Variants in DLGAP1 observed in about 807,000 individuals in gnomAD.
The protein encoded by DLGAP1 is DLG associated protein 1.
Under a neutral mutation model 90.8 loss-of-function variants are expected in DLGAP1, and 11 were observed. That is an observed-to-expected ratio of 0.12 (90% CI 0.08 to 0.20). The LOEUF (loss-of-function observed/expected upper bound fraction) is 0.20, where lower values mean the gene tolerates loss of function less well. DLGAP1 is among the 10% of genes least tolerant of loss of function. DLGAP1 has a pLI of 1.00. For missense variants in DLGAP1, 1,050 were observed against 1,333.8 expected (o/e 0.79, Z 3.31); for synonymous variants, 558 against 540.7 (o/e 1.03, Z -0.44).
In DLGAP1 at chr18:4,383,998, G is replaced by A. The variant is rs2082181033; in HGVS notation, c.-267+71008C>T. ...AGTCAAAACAGCTTCCATACACTAT[G>A]GTAATGTCATAAAATGGTAAATTGA... On this transcript the variant is annotated intron_variant, in intron 1 of 12. Coordinates refer to ENST00000315677, the MANE Select transcript of DLGAP1 (RefSeq NM_004746.4). The surrounding 1 kb of genome is among the most constrained non-coding windows in gnomAD (Gnocchi z 4.0). Among the ~76,000 whole-genome samples, 1 of 152,106 alleles carries A rather than the reference G, an allele frequency of 6.6e-6. No homozygotes were observed. The highest frequency in any genetic ancestry group is 1.5e-5 in the Non-Finnish European group (1 of 68,002).
At chr18:4,055,706 C>G (rs535164688) in intron 2 of DLGAP1, among the ~76,000 whole-genome samples, 1 of 152,022 alleles carries the variant, frequency 6.6e-6, no homozygotes, top group Non-Finnish European at 1.5e-5. Flanking sequence ...ACCCTGGGAG[C>G]GACCTGGCAC....
intron 1 of DLGAP1, among the ~76,000 whole-genome samples, chr18:4,251,725 T>C (rs931692919): frequency 2.0e-5 from 3 of 152,242 alleles, no homozygotes; most frequent in African/African-American, 7.2e-5. Context: ...GGGTGGTTCC[T>C]GACTCCCACT....
At chr18:3,902,529 A>C (rs1019202500) in intron 3 of DLGAP1, among the ~76,000 whole-genome samples, 11 of 152,078 alleles carry the variant, frequency 7.2e-5, no homozygotes, top group African/African-American at 2.4e-4. Flanking sequence ...CTCTTCTTTC[A>C]ATTTCTATAA....
In DLGAP1 at chr18:3,502,753, C is replaced by T; in HGVS notation, c.2572-108G>A. 3 of 1,311,680 alleles carry T rather than the reference C, an allele frequency of 2.3e-6. No homozygotes were observed. In the South Asian group the frequency reaches 4.5e-5, roughly 20 times the overall value. The allele number at this position is 1,311,680 out of a possible 1,614,324, so 81.3% of individuals were successfully genotyped here. A position where few individuals can be genotyped will look rare whatever the true frequency, so the allele number is the denominator to read the frequency against. The stretch of plus-strand genomic sequence containing the variant: ...CAAACAACATAAGGAGGACTAGTTC[C>T]TTTTGGTTTTCCGACACGAGGTAAA... On this transcript the variant is annotated intron_variant, in intron 11 of 12. Coordinates refer to ENST00000315677, the MANE Select transcript of DLGAP1 (RefSeq NM_004746.4).
chr18:3,622,602 G>A (rs983451436), intron 7 of DLGAP1, among the ~76,000 whole-genome samples: 2 of 152,150 alleles, frequency 1.3e-5, no homozygotes, highest in Admixed American at 6.5e-5. Flanking sequence ...CAGGCTGACA[G>A]CCATGCACTG....
chr18:4,105,438 C>A (rs1018841331), intron 2 of DLGAP1, among the ~76,000 whole-genome samples: 1 of 152,162 alleles, frequency 6.6e-6, no homozygotes, highest in Non-Finnish European at 1.5e-5. Flanking sequence ...GGTGGAAAGA[C>A]CATTGTAAAT....
chr18:3,599,943 A>C (rs2056805251), intron 7 of DLGAP1, among the ~76,000 whole-genome samples: 1 of 150,460 alleles, frequency 6.6e-6, no homozygotes, highest in African/African-American at 2.4e-5. Flanking sequence ...TTAAAGAGAC[A>C]GGGTCTCGCT....
At chr18:4,000,495 T>C (rs1481079043) in intron 3 of DLGAP1, among the ~76,000 whole-genome samples, 1 of 152,198 alleles carries the variant, frequency 6.6e-6, no homozygotes, top group Non-Finnish European at 1.5e-5. Context: ...TTATGAGTTA[T>C]ACAAAAAAAT....
At chr18:4,033,265 T>C (rs945567841) in intron 2 of DLGAP1, among the ~76,000 whole-genome samples, 3 of 152,036 alleles carry the variant, frequency 2.0e-5, no homozygotes, top group Admixed American at 6.6e-5. Context: ...CACCCGCCAG[T>C]TCCTACTCAG....
chr18:3,599,537 G>A (rs2056781450), intron 7 of DLGAP1, among the ~76,000 whole-genome samples: 1 of 152,240 alleles, frequency 6.6e-6, no homozygotes, highest in Admixed American at 6.5e-5. Context: ...AAGCCCACCT[G>A]TGGAGGGTGG....
chr18:3,897,942 C>T (rs369813646), intron 3 of DLGAP1, among the ~76,000 whole-genome samples: 2 of 151,528 alleles, frequency 1.3e-5, no homozygotes, highest in African/African-American at 4.8e-5. Context: ...CTACAGGCGC[C>T]CGCCACCGCG....
intron 1 of DLGAP1, among the ~76,000 whole-genome samples, chr18:4,223,089 T>C (rs2078111468): frequency 6.6e-6 from 1 of 152,072 alleles, no homozygotes; most frequent in East Asian, 1.9e-4. Context: ...GACCCCTGTC[T>C]CTCTAAGAAA....
intron 4 of DLGAP1, among the ~76,000 whole-genome samples, chr18:3,829,322 T>C (rs1361623131): frequency 1.3e-5 from 2 of 152,190 alleles, no homozygotes; most frequent in South Asian, 2.1e-4. Flanking sequence ...CTTTTTCATA[T>C]AGTAATCATG....
chr18:3,750,923 G>A (rs556301319), intron 5 of DLGAP1, among the ~76,000 whole-genome samples: 1 of 152,098 alleles, frequency 6.6e-6, no homozygotes, highest in Non-Finnish European at 1.5e-5. Context: ...CCTTCAGAAG[G>A]CCTCCTTTGT....
At chr18:4,227,065 A>G (rs577030096) in intron 1 of DLGAP1, among the ~76,000 whole-genome samples, 34 of 152,136 alleles carry the variant, frequency 2.2e-4, no homozygotes, top group Middle Eastern at 3.4e-3. Context: ...AGCTATACTT[A>G]CATCATAATA....
At chr18:4,337,394 T>A (rs1351421610) in intron 1 of DLGAP1, among the ~76,000 whole-genome samples, 1 of 151,944 alleles carries the variant, frequency 6.6e-6, no homozygotes, top group Admixed American at 6.6e-5. Context: ...GGGGTCGCCA[T>A]GCTGCTTAGG....
At chr18:4,125,119 A>G (rs1021315905) in intron 2 of DLGAP1, among the ~76,000 whole-genome samples, 1 of 152,238 alleles carries the variant, frequency 6.6e-6, no homozygotes, top group African/African-American at 2.4e-5. Context: ...GACTTAGTGC[A>G]TAGAAACATT....
At chr18:3,859,365 A>C (rs1332849255) in intron 4 of DLGAP1, among the ~76,000 whole-genome samples, 1 of 152,232 alleles carries the variant, frequency 6.6e-6, no homozygotes, top group Non-Finnish European at 1.5e-5. Flanking sequence ...TTTAAGAAAT[A>C]GCTTATGTTT....
At chr18:3,917,541 A>G (rs1555707578) in intron 3 of DLGAP1, among the ~76,000 whole-genome samples, 4 of 151,298 alleles carry the variant, frequency 2.6e-5, no homozygotes, top group Non-Finnish European at 5.9e-5. Flanking sequence ...ATCATTTTAT[A>G]GAGTAATGAT....
Sources: gnomAD v4.1 joint callset for allele counts (sites outside exome capture counted in the v4.1 genomes callset) on GRCh38, gnomAD v4.1.1 for gene constraint, Gnocchi (gnomAD v3.1) non-coding constraint, MANE v1.5 for transcripts, NCBI Gene and HGNC (gene_info 2026-07-23, HGNC 2026-07-21) for gene names.